The following IPCEF1 variants were observed in gnomAD, a reference collection of about 807,000 sequenced individuals.
IPCEF1 encodes interactor protein for cytohesin exchange factors 1.
In IPCEF1, 31 loss-of-function variants were observed where a neutral mutation model predicts 50.9. The ratio of observed to expected loss-of-function variants is 0.61; its 90% CI spans 0.46 to 0.82. The LOEUF is 0.82. Ranked by LOEUF, IPCEF1 falls within the 40% of genes least tolerant of loss-of-function variation. The pLI is 0.00. For synonymous variants in IPCEF1, 181 were observed against 192.0 expected, an observed-to-expected ratio of 0.94 and a Z score of 0.47; for missense variants, 458 against 514.0, an observed-to-expected ratio of 0.89 and a Z score of 1.05.
intron 9 of IPCEF1, among the ~76,000 whole-genome samples, chr6:154,210,265 A>G (rs1156872921): frequency 6.6e-6 from 1 of 152,220 alleles, no homozygotes; most frequent in African/African-American, 2.4e-5. Context: ...TTGCCATTAT[A>G]AAACTGAAAA....
intron 3 of IPCEF1, among the ~76,000 whole-genome samples, chr6:154,250,509 T>C (rs1781311798): frequency 6.6e-6 from 1 of 152,216 alleles, no homozygotes; most frequent in East Asian, 1.9e-4. Context: ...AAGAAGTGTA[T>C]TTTTCTTTAA....
intron 3 of IPCEF1, among the ~76,000 whole-genome samples, chr6:154,252,551 T>C (rs1160896075): frequency 6.6e-6 from 1 of 152,136 alleles, no homozygotes; most frequent in Non-Finnish European, 1.5e-5. Flanking sequence ...GGTGGGCACC[T>C]GTAATCCCAG....
chr6:154,256,832 A>G (rs1192503493), intron 3 of IPCEF1, among the ~76,000 whole-genome samples: 2 of 152,098 alleles, frequency 1.3e-5, no homozygotes, highest in African/African-American at 4.8e-5. Flanking sequence ...TTGCACCTCA[A>G]ATTTTGAATT....
chr6:154,166,282 GC>G (rs1477648442), intron 11 of IPCEF1, among the ~76,000 whole-genome samples: 5 of 152,160 alleles, frequency 3.3e-5, no homozygotes. Flanking sequence ...CACAAAGTTG[GC>G]CCCCCAGTGG....
intron 1 of IPCEF1, among the ~76,000 whole-genome samples, chr6:154,296,242 C>T (rs73003280): frequency 0.21 from 32,558 of 152,056 alleles, 3,824 homozygotes; most frequent in East Asian, 0.31. Context: ...ACCCAGAGGG[C>T]ACCAAGAGGA....
At chr6:154,258,411 T>C (rs2128649869) in intron 3 of IPCEF1, among the ~76,000 whole-genome samples, 1 of 152,316 alleles carries the variant, frequency 6.6e-6, no homozygotes, top group Admixed American at 6.5e-5. Flanking sequence ...TTATATGTTC[T>C]CCTGCTGTTC....
chr6:154,346,152 G>T, intron 1 of IPCEF1, among the ~76,000 whole-genome samples: 1 of 152,082 alleles, frequency 6.6e-6, no homozygotes, highest in East Asian at 1.9e-4. Context: ...TTACAGCTGT[G>T]AGCCACTGCA....
At chr6:154,251,926 C>G (rs1781346844) in intron 3 of IPCEF1, among the ~76,000 whole-genome samples, 2 of 152,060 alleles carry the variant, frequency 1.3e-5, no homozygotes, top group African/African-American at 4.8e-5. Context: ...GAGTTTCTAG[C>G]TGAAACAATT....
rs1263869898 is a variant in IPCEF1 at position 154,167,950 on chromosome 6, G to A, written c.1074C>T (p.His358=). The change falls in exon 11 of 12, where the codon CAC becomes CAT. Residue 358 remains histidine, a synonymous_variant. Coordinates refer to ENST00000367220, the MANE Select transcript of IPCEF1 (RefSeq NM_001130700.2). ...ATGTGCTATTCAATGTTCGGATTTT[G>A]TGGAGTTTCTCGTTTATAGATGGAT... is the stretch of plus-strand genomic sequence containing the variant. ...CKNPSINEKL[H]KIRTLNSTLK... 3 of 1,599,746 alleles carry A rather than the reference G, an allele frequency of 1.9e-6. No homozygotes were observed. The highest frequency in any genetic ancestry group is 2.6e-6 in the Non-Finnish European group (3 of 1,168,738).
chr6:154,278,456 T>C (rs1023579753), intron 2 of IPCEF1, among the ~76,000 whole-genome samples: 1 of 151,980 alleles, frequency 6.6e-6, no homozygotes, highest in Non-Finnish European at 1.5e-5. Flanking sequence ...AAAGTAGAGA[T>C]CCTCCGATCC....
chr6:154,175,568 C>G (rs945967749), intron 10 of IPCEF1, among the ~76,000 whole-genome samples: 1 of 152,088 alleles, frequency 6.6e-6, no homozygotes, highest in Non-Finnish European at 1.5e-5. Flanking sequence ...ACTAGAAAAT[C>G]TAGAAGAAAC....
At chr6:154,214,433 T>C (rs1778220638) in intron 7 of IPCEF1, 157 bp from the exon 8 acceptor site, 2 of 657,024 alleles carry the variant, frequency 3.0e-6, no homozygotes, top group Non-Finnish European at 5.6e-6. Context: ...ACCTAAGGCC[T>C]CTGGTTTCAC....
chr6:154,207,192 G>C (rs1777571438), intron 9 of IPCEF1, among the ~76,000 whole-genome samples: 1 of 152,228 alleles, frequency 6.6e-6, no homozygotes, highest in African/African-American at 2.4e-5. Context: ...GAGCCACCGG[G>C]CTGCGTGACT....
intron 5 of IPCEF1, 64 bp from the exon 6 acceptor site, chr6:154,223,307 A>G: frequency 8.2e-7 from 1 of 1,212,416 alleles, no homozygotes; most frequent in Non-Finnish European, 1.2e-6. Flanking sequence ...GTGCATTGAG[A>G]TCATATACAT....
intron 1 of IPCEF1, among the ~76,000 whole-genome samples, chr6:154,349,310 A>G (rs1784084492): frequency 6.6e-6 from 1 of 151,728 alleles, no homozygotes; most frequent in African/African-American, 2.4e-5. Context: ...TCCTGCCTCC[A>G]TCTCCTGAGT....
At chr6:154,339,963 C>T (rs949245668) in intron 1 of IPCEF1, among the ~76,000 whole-genome samples, 1 of 152,034 alleles carries the variant, frequency 6.6e-6, no homozygotes. Flanking sequence ...TGGGGGAAAC[C>T]TGCTAGCAAG....
At chr6:154,288,108 G>GTT (rs1782408222) in intron 2 of IPCEF1, among the ~76,000 whole-genome samples, 1 of 152,150 alleles carries the variant, frequency 6.6e-6, no homozygotes, top group Non-Finnish European at 1.5e-5. Context: ...AGGACAACGG[G>GTT]TTTTAATAAC....
intron 1 of IPCEF1, among the ~76,000 whole-genome samples, chr6:154,346,850 T>C (rs975075769): frequency 3.3e-5 from 5 of 152,206 alleles, no homozygotes; most frequent in African/African-American, 9.7e-5. Flanking sequence ...GGATTACAAT[T>C]TGGATTACAG....
At chr6:154,213,026 C>G (rs923121539) in intron 8 of IPCEF1, 171 bp from the exon 9 acceptor site, 1 of 586,226 alleles carries the variant, frequency 1.7e-6, no homozygotes, top group South Asian at 2.2e-5. Context: ...ACATAAGAGG[C>G]AGAAACAAAT....
Sources: allele counts gnomAD v4.1 joint callset (sites outside exome capture counted in the v4.1 genomes callset), GRCh38; gene constraint gnomAD v4.1.1; transcripts MANE v1.5; gene names NCBI Gene and HGNC (gene_info 2026-07-23, HGNC 2026-07-21).